STK24: variants seen among roughly 807,000 people sequenced by gnomAD.
The protein encoded by STK24 is serine/threonine kinase 24, also known as serine/threonine-protein kinase 24.
Under a neutral mutation model 55.6 loss-of-function variants are expected in STK24, and 21 were observed. The observed-to-expected ratio is 0.38, with a 90% CI of 0.27 to 0.54. The LOEUF (loss-of-function observed/expected upper bound fraction) is 0.54. Ranked by LOEUF, STK24 falls within the 20% of genes least tolerant of loss-of-function variation. STK24 has a pLI of 0.79. For synonymous variants in STK24, 200 were observed against 215.2 expected, an observed-to-expected ratio of 0.93 and a Z score of 0.62; for missense variants, 383 against 538.4, an observed-to-expected ratio of 0.71 and a Z score of 2.86.
chr13:98,529,186 C>T lies in STK24; in HGVS notation c.43-9713G>A, dbSNP rs1203936162. On this transcript the variant is annotated intron_variant, in intron 1 of 10. Transcript: ENST00000539966. ...CGTCTCCCTCTCCCCAGGCCCCCCA[C>T]CACGTGTTTCATCGTTAACAGTGTT... Among the ~76,000 whole-genome samples, 6 of 152,168 alleles carry T rather than the reference C, an allele frequency of 3.9e-5. No homozygotes were observed. The South Asian group carries it at 1.2e-3, about 31-fold the overall frequency.
At chr13:98,494,572 T>C (rs1162576064) in intron 2 of STK24, among the ~76,000 whole-genome samples, 1 of 152,166 alleles carries the variant, frequency 6.6e-6, no homozygotes, top group East Asian at 1.9e-4. Context: ...CTAAACAGCT[T>C]CCAAAGGAAG....
chr13:98,456,336 T>G (rs1163197600), intron 10 of STK24: 2 of 369,454 alleles, frequency 5.4e-6, no homozygotes, highest in Non-Finnish European at 1.1e-5. Flanking sequence ...ATCCCCCTCA[T>G]GATCACAGAG....
chr13:98,561,244 G>T (rs1897410996), intron 1 of STK24, among the ~76,000 whole-genome samples: 1 of 152,170 alleles, frequency 6.6e-6, no homozygotes, highest in South Asian at 2.1e-4. Context: ...CACTGCCAGG[G>T]ATGAGAGGAG....
rs529448358 is a variant in STK24 at position 98,446,042 on chromosome 13, G to C, written c.*7131C>G. 1.2e-5 allele frequency: 14 copies of C among 1,205,882 alleles called. No individual in the cohort carries two copies. The highest frequency in any genetic ancestry group is 8.9e-5 in the African/African-American group (6 of 67,340). The allele number at this position is 1,205,882 out of a possible 1,614,324, so 74.7% of individuals were successfully genotyped here. On this transcript the variant is annotated 3_prime_UTR_variant, in exon 11 of 11. Coordinates refer to ENST00000539966, the MANE Select transcript of STK24 (RefSeq NM_001032296.4). ...CCTGGTGCAGGGAGAGCTGCTCTCT[G>C]TGCCCTCCTGGGGCAGGTGCCCGCT...
chr13:98,554,213 C>A lies in STK24; in HGVS notation c.42+22532G>T, dbSNP rs147281355. ...CCCTTTAAAGAAAAAAACTGAAATA[C>A]AAGGCTGTGAAAAAATAACAACAAA... On this transcript the variant is annotated intron_variant, in intron 1 of 10. Coordinates refer to ENST00000539966, the MANE Select transcript of STK24 (RefSeq NM_001032296.4). Among the ~76,000 whole-genome samples, 276 of 152,040 alleles carry A rather than the reference C, an allele frequency of 1.8e-3. 1 individual carries two copies. Among genetic ancestry groups the A allele is most frequent in the Middle Eastern group, 6.8e-3 (2 of 292 alleles).
At chr13:98,480,300 G>C (rs1234681001) in intron 3 of STK24, among the ~76,000 whole-genome samples, 1 of 152,156 alleles carries the variant, frequency 6.6e-6, no homozygotes, top group Admixed American at 6.5e-5. Flanking sequence ...AAGCATTCCT[G>C]GAATTGCTCT....
At chr13:98,464,478 T>C (rs933695834) in intron 6 of STK24, among the ~76,000 whole-genome samples, 4 of 149,564 alleles carry the variant, frequency 2.7e-5, no homozygotes. Context: ...ACAAAATATA[T>C]GTTCTGTGTT....
At chr13:98,483,773 T>C (rs1894695608) in intron 2 of STK24, among the ~76,000 whole-genome samples, 1 of 152,216 alleles carries the variant, frequency 6.6e-6, no homozygotes, top group Non-Finnish European at 1.5e-5. Flanking sequence ...CTGTGGACCC[T>C]GTGACCAAGG....
intron 1 of STK24, among the ~76,000 whole-genome samples, chr13:98,570,625 T>C (rs1045795936): frequency 5.3e-5 from 8 of 152,192 alleles, no homozygotes; most frequent in African/African-American, 1.9e-4. Context: ...AACAATGTTG[T>C]TCCCTGGGTG....
In STK24 at chr13:98,450,154, G is replaced by C. The variant is rs1405710438; in HGVS notation, c.*3019C>G. On this transcript the variant is annotated 3_prime_UTR_variant, in exon 11 of 11. Coordinates refer to ENST00000539966, the MANE Select transcript of STK24 (RefSeq NM_001032296.4). ...CTAGTGTGGGTAACAGTCCATCTGA[G>C]TGGAGTTTGAGACACACTACACATG... 1 of 152,214 alleles carries C rather than the reference G, an allele frequency of 6.6e-6. No individual in the cohort carries two copies. Among genetic ancestry groups the C allele is most frequent in the African/African-American group, 2.4e-5 (1 of 41,430 alleles). The allele number at this position is 152,214 out of a possible 1,614,324, so 9.4% of individuals were successfully genotyped here.
chr13:98,548,070 T>A (rs1594660653), intron 1 of STK24, among the ~76,000 whole-genome samples: 1 of 152,172 alleles, frequency 6.6e-6, no homozygotes, highest in Non-Finnish European at 1.5e-5. Flanking sequence ...GAGAAGAACG[T>A]GGAGTCTACG....
rs952435569 is a variant in STK24 at position 98,576,057 on chromosome 13, C to T, written c.42+688G>A. 30 of 984,972 alleles carry T rather than the reference C, an allele frequency of 3.0e-5. No homozygotes were observed. In the African/African-American group the frequency reaches 4.2e-4, roughly 14 times the overall value. 61.0% of individuals were successfully genotyped at this position (984,972 alleles called of 1,614,324 possible). A position where few individuals can be genotyped will look rare whatever the true frequency, so the allele number is the denominator to read the frequency against. On this transcript the variant is annotated intron_variant, in intron 1 of 10. Transcript: ENST00000539966. ...TGCAACCAAGTCTCAAAGTGAAAGTCCAGGGTCCCGGGGCCGGGCCCGGGA... is the reference window on the plus strand; with the variant it reads ...TGCAACCAAGTCTCAAAGTGAAAGTTCAGGGTCCCGGGGCCGGGCCCGGGA...
intron 1 of STK24, among the ~76,000 whole-genome samples, chr13:98,531,388 G>A (rs886323053): frequency 9.9e-5 from 15 of 152,100 alleles, no homozygotes; most frequent in African/African-American, 2.9e-4. Flanking sequence ...CAGTTTTCCC[G>A]CCAGAAGTTG....
At chr13:98,535,451 ATAAAG>A (rs1555310099) in intron 1 of STK24, among the ~76,000 whole-genome samples, 1 of 148,102 alleles carries the variant, frequency 6.8e-6, no homozygotes, top group Non-Finnish European at 1.5e-5. Flanking sequence ...TGCATTCCAA[ATAAAG>A]TATATAGTTC....
At chr13:98,572,080 G>T (rs186687001) in intron 1 of STK24, among the ~76,000 whole-genome samples, 1 of 152,332 alleles carries the variant, frequency 6.6e-6, no homozygotes, top group East Asian at 1.9e-4. Flanking sequence ...CCCACCAGAA[G>T]CTGTGTCACC....
intron 1 of STK24, among the ~76,000 whole-genome samples, chr13:98,541,885 T>C (rs1476126568): frequency 1.3e-5 from 2 of 152,320 alleles, no homozygotes; most frequent in East Asian, 1.9e-4. Context: ...AAATGTGGAA[T>C]AGAGTGAGCA....
intron 1 of STK24, among the ~76,000 whole-genome samples, chr13:98,570,237 G>C (rs1307290414): frequency 1.3e-5 from 2 of 152,168 alleles, no homozygotes; most frequent in African/African-American, 4.8e-5. Flanking sequence ...AACCAGGAGA[G>C]ATCAAAGGGG....
chr13:98,483,715 C>T (rs1566361172), intron 2 of STK24, among the ~76,000 whole-genome samples: 1 of 152,212 alleles, frequency 6.6e-6, no homozygotes, highest in Admixed American at 6.5e-5. Context: ...ACAGCAAACT[C>T]AAGTGCTCAG....
intron 1 of STK24, among the ~76,000 whole-genome samples, chr13:98,548,778 CTT>C (rs1397110819): frequency 6.9e-6 from 1 of 144,244 alleles, no homozygotes; most frequent in Non-Finnish European, 1.5e-5. Context: ...AGGAGAATCA[CTT>C]GAACTTGAGA....
Sources: allele counts gnomAD v4.1 joint callset (sites outside exome capture counted in the v4.1 genomes callset), GRCh38; gene constraint gnomAD v4.1.1; transcripts MANE v1.5; gene names NCBI Gene and HGNC (gene_info 2026-07-23, HGNC 2026-07-21).